Variants in METTL15 observed in about 807,000 individuals in gnomAD.
METTL15 encodes methyltransferase 15, mitochondrial 12S rRNA N4-cytidine, also known as 12S rRNA N(4)-cytidine methyltransferase METTL15.
Under a neutral mutation model 38.3 loss-of-function variants are expected in METTL15, and 34 were observed. The observed-to-expected ratio is 0.89, with a 90% CI of 0.68 to 1.18. METTL15 has a LOEUF of 1.18. METTL15 is among the 50% of genes most tolerant of loss of function. METTL15 has a pLI of 0.00. For missense variants in METTL15, 438 were observed against 498.4 expected, an observed-to-expected ratio of 0.88 and a Z score of 1.15; for synonymous variants, 162 against 170.9, an observed-to-expected ratio of 0.95 and a Z score of 0.41.
intron 6 of METTL15, among the ~76,000 whole-genome samples, chr11:28,486,733 A>G (rs1028063760): frequency 2.6e-5 from 4 of 152,146 alleles, no homozygotes; most frequent in African/African-American, 4.8e-5. Context: ...TTCCTAATGT[A>G]TCTTCAGAGT....
intron 4 of METTL15, among the ~76,000 whole-genome samples, chr11:28,219,395 C>T (rs187396354): frequency 1.9e-3 from 293 of 152,142 alleles, no homozygotes; most frequent in Non-Finnish European, 3.0e-3. Context: ...TCTGTGGGAT[C>T]GGTGGTGATA....
chr11:28,308,604 T>C (rs1005308211), intron 6 of METTL15, among the ~76,000 whole-genome samples: 1 of 152,228 alleles, frequency 6.6e-6, no homozygotes, highest in African/African-American at 2.4e-5. Context: ...TATAAGTTTC[T>C]TATTCTCCTT....
chr11:28,476,772 A>G (rs1279032881), intron 6 of METTL15, among the ~76,000 whole-genome samples: 1 of 152,294 alleles, frequency 6.6e-6, no homozygotes, highest in African/African-American at 2.4e-5. Flanking sequence ...CCAGTGATCT[A>G]TGGTGTAGCT....
intron 4 of METTL15, among the ~76,000 whole-genome samples, chr11:28,357,111 G>A (rs1008385564): frequency 2.0e-5 from 3 of 152,176 alleles, no homozygotes; most frequent in Admixed American, 6.5e-5. Context: ...CAGAACATTT[G>A]CTTTTTACTT....
intron 3 of METTL15, among the ~76,000 whole-genome samples, chr11:28,207,249 CATAG>C (rs1852388040): frequency 6.6e-6 from 1 of 151,902 alleles, no homozygotes; most frequent in Non-Finnish European, 1.5e-5. Context: ...GTGGGGTTGT[CATAG>C]ATAGCTCTTA....
chr11:28,226,678 C>G lies in METTL15; in HGVS notation c.407+15480C>G, dbSNP rs549619726. ...CCTTCTACACCACTACAATATTATTCAAGAAGCAATTTAGTCACATTGTTG... is the reference window on the plus strand; with the variant it reads ...CCTTCTACACCACTACAATATTATTGAAGAAGCAATTTAGTCACATTGTTG... On this transcript the variant is annotated intron_variant, in intron 4 of 6. Coordinates refer to ENST00000407364, the MANE Select transcript of METTL15 (RefSeq NM_001113528.2). Among the ~76,000 whole-genome samples, 3 of 152,036 alleles carry G rather than the reference C, an allele frequency of 2.0e-5. No homozygotes were observed. In the South Asian group the frequency reaches 6.2e-4, roughly 32 times the overall value.
intron 4 of METTL15, among the ~76,000 whole-genome samples, chr11:28,272,415 G>A (rs554357406): frequency 6.6e-6 from 1 of 152,152 alleles, no homozygotes; most frequent in East Asian, 1.9e-4. Context: ...CATGTCCTTT[G>A]CAGGGACATG....
chr11:28,124,297 C>T (rs765541728), intron 3 of METTL15, among the ~76,000 whole-genome samples: 6 of 152,084 alleles, frequency 3.9e-5, no homozygotes, highest in East Asian at 3.9e-4. Flanking sequence ...TTTGGCCTAA[C>T]GTTACTAGAG....
chr11:28,431,145 G>A lies in METTL15; in HGVS notation c.*424+6781G>A, dbSNP rs1418920042. Among the ~76,000 whole-genome samples, 3 of 85,800 alleles carry A rather than the reference G, an allele frequency of 3.5e-5. 1 individual carries two copies. The highest frequency in any genetic ancestry group is 1.0e-4 in the African/African-American group (3 of 29,040). 56.3% of individuals were successfully genotyped at this position (85,800 alleles called of 152,430 possible). ...CTCTGCCCGGCCAGCCGCCCCATCC[G>A]GGAGGGAGGTGGGGGGGTCAGCCCC... On this transcript the variant is annotated intron_variant and NMD_transcript_variant, in intron 6 of 7. Transcript: ENST00000532947.
intron 6 of METTL15, among the ~76,000 whole-genome samples, chr11:28,525,127 C>T (rs745506475): frequency 2.6e-5 from 4 of 152,100 alleles, no homozygotes; most frequent in Non-Finnish European, 5.9e-5. Context: ...CTCATAAAGG[C>T]GTGTGGACCC....
intron 4 of METTL15, among the ~76,000 whole-genome samples, chr11:28,213,746 C>T (rs1852742562): frequency 6.6e-6 from 1 of 151,092 alleles, no homozygotes; most frequent in South Asian, 2.1e-4. Flanking sequence ...AGGTCCGCCT[C>T]CCGGGTTCAC....
At chr11:28,149,188 ATTTTT>A (rs577799533) in intron 3 of METTL15, among the ~76,000 whole-genome samples, 3 of 136,776 alleles carry the variant, frequency 2.2e-5, no homozygotes, top group South Asian at 2.3e-4. Flanking sequence ...TCATTTTCTG[ATTTTT>A]TTTTTTTTTT....
chr11:28,352,170 C>G (rs915827559), intron 4 of METTL15: 3 of 152,188 alleles, frequency 2.0e-5, no homozygotes, highest in Non-Finnish European at 4.4e-5. Context: ...CAAGAAAATT[C>G]TGTCTGACCT....
At chr11:28,249,097 A>G (rs1298284086) in intron 4 of METTL15, among the ~76,000 whole-genome samples, 3 of 152,018 alleles carry the variant, frequency 2.0e-5, no homozygotes, top group Non-Finnish European at 4.4e-5. Flanking sequence ...AAGTGAGACA[A>G]TATGAGGTAC....
At chr11:28,323,612 T>A (rs1849541043) in intron 6 of METTL15, among the ~76,000 whole-genome samples, 1 of 152,090 alleles carries the variant, frequency 6.6e-6, no homozygotes, top group Non-Finnish European at 1.5e-5. Context: ...CAGGGGATGT[T>A]GGAGGTGTTT....
chr11:28,256,929 C>T (rs1424082781), intron 4 of METTL15, among the ~76,000 whole-genome samples: 3 of 151,982 alleles, frequency 2.0e-5, no homozygotes, highest in Non-Finnish European at 4.4e-5. Context: ...AAGAATTTTT[C>T]AGTTTCCTTA....
chr11:28,215,691 T>A (rs1368084898), intron 4 of METTL15, among the ~76,000 whole-genome samples: 1 of 152,108 alleles, frequency 6.6e-6, no homozygotes, highest in Non-Finnish European at 1.5e-5. Flanking sequence ...ACAAGAAGAT[T>A]TGAACAAAAG....
intron 6 of METTL15, among the ~76,000 whole-genome samples, chr11:28,511,095 A>G (rs1851669957): frequency 6.6e-6 from 1 of 152,216 alleles, no homozygotes; most frequent in Non-Finnish European, 1.5e-5. Flanking sequence ...ACTGGGAAAT[A>G]AACTATATAC....
At chr11:28,263,680 G>A (rs367717523) in intron 4 of METTL15, among the ~76,000 whole-genome samples, 3 of 151,826 alleles carry the variant, frequency 2.0e-5, no homozygotes, top group Admixed American at 6.6e-5. Flanking sequence ...GACCTTTTTC[G>A]AATTGAGTAA....
Sources: gnomAD v4.1 joint callset for allele counts (sites outside exome capture counted in the v4.1 genomes callset) on GRCh38, gnomAD v4.1.1 for gene constraint, MANE v1.5 for transcripts, NCBI Gene and HGNC (gene_info 2026-07-23, HGNC 2026-07-21) for gene names.